Variants in SCRG1 observed in about 807,000 individuals in gnomAD.
The protein encoded by SCRG1 is stimulator of chondrogenesis 1, also known as scrapie-responsive protein 1.
A neutral mutation model predicts 7.7 loss-of-function variants in SCRG1; 3 were observed. The observed-to-expected ratio is 0.39, with a 90% CI of 0.18 to 1.01. SCRG1 has a LOEUF of 1.01. SCRG1 is among the 50% of genes least tolerant of loss of function. The pLI, the probability that SCRG1 is intolerant of heterozygous loss-of-function variation, is 0.36. For synonymous variants in SCRG1, 46 were observed against 41.2 expected (o/e 1.12, Z -0.44); for missense variants, 110 against 117.2 (o/e 0.94, Z 0.28).
At chr4:173,516,583 C>T in the SCRG1 span, among the ~76,000 whole-genome samples, 1 of 152,216 alleles carries the variant, frequency 6.6e-6, no homozygotes, top group South Asian at 2.1e-4. Context: ...TATTCCTCTG[C>T]TCCTCTCAGG....
the SCRG1 span, among the ~76,000 whole-genome samples, chr4:173,463,362 C>A: frequency 1.6e-4 from 24 of 152,180 alleles, no homozygotes; most frequent in African/African-American, 4.6e-4. Flanking sequence ...CAACCTCTGC[C>A]CCCCCGGGTT....
the SCRG1 span, among the ~76,000 whole-genome samples, chr4:173,421,913 C>T: frequency 3.3e-5 from 5 of 152,084 alleles, no homozygotes; most frequent in East Asian, 5.8e-4. Flanking sequence ...TTTTCTTCCT[C>T]GATAGCACTT....
At chr4:173,468,908 AGT>A in the SCRG1 span, 1 of 148,786 alleles carries the variant, frequency 6.7e-6, no homozygotes, top group African/African-American at 2.6e-5. Flanking sequence ...CTTTGCTCAG[AGT>A]AAGTGCTCAG....
At chr4:173,491,350 G>A in the SCRG1 span, among the ~76,000 whole-genome samples, 1 of 151,930 alleles carries the variant, frequency 6.6e-6, no homozygotes, top group African/African-American at 2.4e-5. Context: ...CATGGTGGTA[G>A]AGGGACTAAA....
the SCRG1 span, among the ~76,000 whole-genome samples, chr4:173,488,126 TAAATAAATTTAA>T: frequency 2.8e-4 from 43 of 151,264 alleles, no homozygotes; most frequent in Admixed American, 7.2e-4. Context: ...AATAAATAAA[TAAATAAATTTAA>T]AAAATGGTCT....
chr4:173,471,300 A>G, the SCRG1 span, among the ~76,000 whole-genome samples: 2 of 151,942 alleles, frequency 1.3e-5, no homozygotes, highest in African/African-American at 4.8e-5. Flanking sequence ...GAGAACCAAA[A>G]CCTTCTGGAA....
chr4:173,454,115 G>A, the SCRG1 span, among the ~76,000 whole-genome samples: 1 of 151,622 alleles, frequency 6.6e-6, no homozygotes, highest in South Asian at 2.1e-4. Context: ...TGGAGGCTGT[G>A]CGATCTAGGA....
the SCRG1 span, among the ~76,000 whole-genome samples, chr4:173,462,284 A>G: frequency 6.6e-6 from 1 of 152,202 alleles, no homozygotes; most frequent in African/African-American, 2.4e-5. Context: ...GGTCAAGGAT[A>G]AAGAAAGGAT....
chr4:173,391,907 C>T (rs1325748212), intron 1 of SCRG1, among the ~76,000 whole-genome samples: 1 of 151,460 alleles, frequency 6.6e-6, no homozygotes, highest in Non-Finnish European at 1.5e-5. Context: ...GAGACCTTGA[C>T]ACACACACAC....
the SCRG1 span, among the ~76,000 whole-genome samples, chr4:173,470,287 T>G: frequency 2.0e-5 from 3 of 152,140 alleles, no homozygotes; most frequent in South Asian, 6.2e-4. Context: ...TACAGAAACC[T>G]ATATTGGGCA....
the SCRG1 span, among the ~76,000 whole-genome samples, chr4:173,512,089 A>T: frequency 2.0e-5 from 3 of 152,212 alleles, no homozygotes; most frequent in South Asian, 6.2e-4. Context: ...CAACATATGC[A>T]CACATTAATT....
chr4:173,453,950 T>G, the SCRG1 span, among the ~76,000 whole-genome samples: 1 of 151,956 alleles, frequency 6.6e-6, no homozygotes, highest in Non-Finnish European at 1.5e-5. Context: ...TGGTGGCATG[T>G]GCTTGTAGTC....
chr4:173,440,987 G>A, the SCRG1 span, among the ~76,000 whole-genome samples: 10 of 152,136 alleles, frequency 6.6e-5, no homozygotes, highest in East Asian at 1.9e-4. Context: ...AACTTGATTC[G>A]GTCTGAAAGT....
chr4:173,431,969 C>T, the SCRG1 span, among the ~76,000 whole-genome samples: 3 of 152,154 alleles, frequency 2.0e-5, no homozygotes, highest in Non-Finnish European at 4.4e-5. Flanking sequence ...TAAATAAAAT[C>T]AATTCAAACT....
At chr4:173,481,963 CT>C in the SCRG1 span, among the ~76,000 whole-genome samples, 19 of 148,326 alleles carry the variant, frequency 1.3e-4, no homozygotes, top group African/African-American at 3.2e-4. Flanking sequence ...CAAGAGTCAA[CT>C]TTTTTTTTTA....
chr4:173,423,646 G>T, the SCRG1 span, among the ~76,000 whole-genome samples: 3 of 150,336 alleles, frequency 2.0e-5, no homozygotes, highest in Non-Finnish European at 3.0e-5. Flanking sequence ...CTCTTTTTTT[G>T]GTCTTTTATC....
At chr4:173,438,916 C>G in the SCRG1 span, among the ~76,000 whole-genome samples, 2 of 151,940 alleles carry the variant, frequency 1.3e-5, no homozygotes, top group African/African-American at 4.8e-5. Flanking sequence ...AAACTGGGTT[C>G]CTCTTCTTCC....
the SCRG1 span, among the ~76,000 whole-genome samples, chr4:173,439,773 G>C: frequency 1.3e-5 from 2 of 152,142 alleles, no homozygotes; most frequent in Non-Finnish European, 2.9e-5. Flanking sequence ...GCAAAAGCAC[G>C]GGCATGTGGC....
the SCRG1 span, among the ~76,000 whole-genome samples, chr4:173,499,428 G>A: frequency 6.6e-5 from 10 of 152,202 alleles, no homozygotes; most frequent in Non-Finnish European, 1.5e-4. This position sits in a 1 kb window ranked among gnomAD's most constrained non-coding sequence, Gnocchi z 4.1. Context: ...AACAGTAGTA[G>A]TAATAGTAGT....
Sources: allele counts gnomAD v4.1 joint callset (sites outside exome capture counted in the v4.1 genomes callset), GRCh38; gene constraint gnomAD v4.1.1; non-coding constraint Gnocchi (gnomAD v3.1); transcripts MANE v1.5; gene names NCBI Gene and HGNC (gene_info 2026-07-23, HGNC 2026-07-21).